Variants in CPEB1 observed in about 807,000 individuals in gnomAD.
CPEB1 encodes the protein cytoplasmic polyadenylation element binding protein 1.
A neutral mutation model predicts 65.8 loss-of-function variants in CPEB1; 7 were observed. That is an observed-to-expected ratio of 0.11 (90% CI 0.06 to 0.20). CPEB1 has a LOEUF of 0.20. CPEB1 is among the 10% of genes least tolerant of loss of function. The pLI, the probability that CPEB1 is intolerant of heterozygous loss-of-function variation, is 1.00. For missense variants in CPEB1, 551 were observed against 712.2 expected, an observed-to-expected ratio of 0.77 and a Z score of 2.58; for synonymous variants, 262 against 260.0, an observed-to-expected ratio of 1.01 and a Z score of -0.08.
chr15:82,572,885 C>T (rs958793965), intron 3 of CPEB1: 11 of 717,892 alleles, frequency 1.5e-5, no homozygotes, highest in Admixed American at 1.0e-4. Context: ...CTGGAGCTTC[C>T]GCCATTTCCT....
intron 4 of CPEB1, 74 bp downstream of exon 4, chr15:82,571,270 T>C: frequency 1.3e-6 from 2 of 1,539,210 alleles, no homozygotes; most frequent in African/African-American, 2.7e-5. Context: ...ACAGAACAAC[T>C]GTTGCTGTGG....
intron 3 of CPEB1, 78 bp from the exon 4 acceptor site, chr15:82,571,610 T>G: frequency 6.6e-7 from 1 of 1,516,212 alleles, no homozygotes; most frequent in South Asian, 1.3e-5. Flanking sequence ...TAAATATTAT[T>G]AATAATAGTT....
chr15:82,574,722 CAAA>C (rs534968367), intron 3 of CPEB1, among the ~76,000 whole-genome samples: 39 of 53,492 alleles, frequency 7.3e-4, no homozygotes, highest in African/African-American at 2.6e-3. Flanking sequence ...GACTCGGTCT[CAAA>C]AAAAAAAAAA....
chr15:82,601,124 T>C (rs1178027779), intron 3 of CPEB1, among the ~76,000 whole-genome samples: 1 of 150,998 alleles, frequency 6.6e-6, no homozygotes, highest in Non-Finnish European at 1.5e-5. Context: ...CAGGCTGGTC[T>C]CGAACTCCTG....
At chr15:82,573,233 G>T (rs1421422050) in intron 3 of CPEB1, 22 of 1,327,242 alleles carry the variant, frequency 1.7e-5, no homozygotes, top group East Asian at 2.7e-5. Context: ...TTCCTTTGGA[G>T]ATTTTTTTTT....
chr15:82,549,774 G>A (rs2035926253), intron 9 of CPEB1, 116 bp from the exon 10 acceptor site: 2 of 964,498 alleles, frequency 2.1e-6, no homozygotes, highest in East Asian at 2.6e-5. Context: ...CCTTACAGGG[G>A]TGAAAAGGTG....
rs530358459 is a variant in CPEB1, at chr15:82,575,446, T to C, written c.272-3914A>G. 1.4e-4 allele frequency among the ~76,000 whole-genome samples: 22 copies of C among 152,204 alleles called. No individual in the cohort carries two copies. In the South Asian group the frequency reaches 1.7e-3, roughly 11 times the overall value. ...TCTTTATGTAGAGTACAGAAAGCAA[T>C]GATCATGGAGAAAGTTGATAAGCTG... On this transcript the variant is annotated intron_variant, in intron 3 of 12. Coordinates refer to ENST00000684509, the MANE Select transcript of CPEB1 (RefSeq NM_001365242.1).
intron 3 of CPEB1, among the ~76,000 whole-genome samples, chr15:82,626,273 A>AAAATAC (rs1214093646): frequency 6.6e-6 from 1 of 150,982 alleles, no homozygotes; most frequent in Non-Finnish European, 1.5e-5. Flanking sequence ...ATCTCTACTA[A>AAAATAC]AAATACAAAA....
intron 1 of CPEB1, among the ~76,000 whole-genome samples, chr15:82,633,964 TAAAAA>T (rs112776351): frequency 1.5e-5 from 2 of 133,238 alleles, no homozygotes; most frequent in Non-Finnish European, 3.2e-5. Context: ...CCTAAAGGTA[TAAAAA>T]AAAAAAAAAG....
At chr15:82,645,593 G>A (rs1165972182) in intron 1 of CPEB1, among the ~76,000 whole-genome samples, 1 of 152,186 alleles carries the variant, frequency 6.6e-6, no homozygotes, top group Non-Finnish European at 1.5e-5. Flanking sequence ...AACTCAGCCA[G>A]GCAAGGGGGC....
At chr15:82,642,743 G>C (rs2047209960) in intron 1 of CPEB1, among the ~76,000 whole-genome samples, 1 of 152,152 alleles carries the variant, frequency 6.6e-6, no homozygotes, top group African/African-American at 2.4e-5. Flanking sequence ...AGTCAGTACA[G>C]TTTATATACC....
chr15:82,605,404 A>C (rs1389984409), intron 3 of CPEB1, among the ~76,000 whole-genome samples: 2 of 152,056 alleles, frequency 1.3e-5, no homozygotes, highest in African/African-American at 2.4e-5. Context: ...GCGGGATAAG[A>C]AGGTATTGGT....
chr15:82,561,233 G>C (rs991196942), intron 4 of CPEB1, among the ~76,000 whole-genome samples: 1 of 152,218 alleles, frequency 6.6e-6, no homozygotes, highest in African/African-American at 2.4e-5. Context: ...ACACTAAAAA[G>C]ACCGATGGTG....
intron 3 of CPEB1, among the ~76,000 whole-genome samples, chr15:82,613,879 C>A (rs1353227364): frequency 2.0e-5 from 3 of 151,898 alleles, no homozygotes; most frequent in Admixed American, 1.3e-4. Context: ...CCCCTCAATG[C>A]CCCCCTGGGA....
intron 1 of CPEB1, chr15:82,638,618 G>A (rs1194230393): frequency 6.6e-6 from 1 of 152,016 alleles, no homozygotes; most frequent in African/African-American, 2.4e-5. Flanking sequence ...AATAACCATA[G>A]TTTGTTAGTT....
chr15:82,622,917 T>C (rs779210948), intron 3 of CPEB1, among the ~76,000 whole-genome samples: 2 of 152,170 alleles, frequency 1.3e-5, no homozygotes, highest in Non-Finnish European at 2.9e-5. Flanking sequence ...CCCCTCCTTA[T>C]GTGATCCTCT....
chr15:82,559,307 G>C (rs1000078760), intron 4 of CPEB1, among the ~76,000 whole-genome samples: 17 of 152,110 alleles, frequency 1.1e-4, no homozygotes, highest in Non-Finnish European at 1.5e-5. Context: ...CGCTCCTTTA[G>C]GTATATGACC....
intron 1 of CPEB1, among the ~76,000 whole-genome samples, chr15:82,641,382 T>C (rs193265503): frequency 1.3e-5 from 2 of 152,218 alleles, no homozygotes; most frequent in East Asian, 1.9e-4. Context: ...AAGTGTTCTG[T>C]AAAAAGACAC....
intron 3 of CPEB1, among the ~76,000 whole-genome samples, chr15:82,576,275 T>C (rs2040635501): frequency 6.6e-6 from 1 of 152,046 alleles, no homozygotes; most frequent in Non-Finnish European, 1.5e-5. Flanking sequence ...AAAAATCAGG[T>C]GGTTGCCTCT....
Sources: gnomAD v4.1 joint callset for allele counts (sites outside exome capture counted in the v4.1 genomes callset) on GRCh38, gnomAD v4.1.1 for gene constraint, MANE v1.5 for transcripts, NCBI Gene and HGNC (gene_info 2026-07-23, HGNC 2026-07-21) for gene names.